Variants in PCDHGB5 observed in about 807,000 individuals in gnomAD.
PCDHGB5 encodes protocadherin gamma subfamily B, 5, also known as protocadherin gamma-B5.
PCDHGB5 carries 48 observed loss-of-function variants against 62.9 expected under a neutral mutation model. The ratio of observed to expected loss-of-function variants is 0.76; its 90% CI spans 0.61 to 0.97. PCDHGB5 has a LOEUF of 0.97. Ranked by LOEUF, PCDHGB5 falls within the 50% of genes least tolerant of loss-of-function variation. PCDHGB5 has a pLI of 0.00. For synonymous variants in PCDHGB5, 474 were observed against 511.2 expected (o/e 0.93, Z 0.98); for missense variants, 1,118 against 1,198.6 (o/e 0.93, Z 0.99).
chr5:141,415,761 T>G (rs1047830043), intron 1 of PCDHGB5: 49 of 1,399,492 alleles, frequency 3.5e-5, no homozygotes, highest in Admixed American at 1.6e-4. Context: ...TTTTTTTTTT[T>G]TTTTTTTTTT....
At chr5:141,430,936 C>T (rs2097327732) in intron 1 of PCDHGB5, 4 of 1,606,984 alleles carry the variant, frequency 2.5e-6, no homozygotes, top group Admixed American at 3.4e-5. Flanking sequence ...CCCGGGAGCT[C>T]GCGGAGCGCG....
intron 2 of PCDHGB5, among the ~76,000 whole-genome samples, chr5:141,501,290 T>TACAC (rs55762287): frequency 0.051 from 6,975 of 136,060 alleles, 192 homozygotes; most frequent in African/African-American, 0.071. Context: ...TATTCCCTTA[T>TACAC]ACACACACAC....
At chr5:141,413,215 T>C in intron 1 of PCDHGB5, 1 of 1,613,350 alleles carries the variant, frequency 6.2e-7, no homozygotes, top group Non-Finnish European at 8.5e-7. Context: ...ATCAAAGGAT[T>C]GCAGCGGGCT....
intron 1 of PCDHGB5, among the ~76,000 whole-genome samples, chr5:141,433,974 C>A (rs1045247496): frequency 6.6e-6 from 1 of 152,026 alleles, no homozygotes; most frequent in Non-Finnish European, 1.5e-5. Context: ...GGCTTTCTAC[C>A]TTGAAGAAGA....
intron 1 of PCDHGB5, among the ~76,000 whole-genome samples, chr5:141,455,137 G>A (rs892739175): frequency 2.7e-5 from 4 of 150,642 alleles, no homozygotes; most frequent in African/African-American, 9.8e-5. Flanking sequence ...ATTACACTGT[G>A]TTAAATAAAT....
intron 1 of PCDHGB5, chr5:141,409,356 A>G: frequency 6.2e-7 from 1 of 1,614,004 alleles, no homozygotes; most frequent in Non-Finnish European, 8.5e-7. Context: ...GTCAGGTGTA[A>G]TATAGAAACA....
At chr5:141,509,625 G>T (rs915049847) in intron 3 of PCDHGB5, among the ~76,000 whole-genome samples, 1 of 152,186 alleles carries the variant, frequency 6.6e-6, no homozygotes, top group Non-Finnish European at 1.5e-5. Flanking sequence ...AAGTTCCTGG[G>T]TGATGCTGAG....
At chr5:141,406,198 C>T (rs1363174713) in intron 1 of PCDHGB5, among the ~76,000 whole-genome samples, 1 of 151,806 alleles carries the variant, frequency 6.6e-6, no homozygotes, top group African/African-American at 2.4e-5. Context: ...TCAGCCTTCA[C>T]AGTAGCTAGG....
Position 141,432,477 on chromosome 5 carries a change from C to G in PCDHGB5, c.2397+31953C>G. On this transcript the variant is annotated intron_variant, in intron 1 of 3. Coordinates refer to ENST00000617380, the MANE Select transcript of PCDHGB5 (RefSeq NM_018925.3). This position sits in a 1 kb window ranked among gnomAD's most constrained non-coding sequence, Gnocchi z 6.0. ...CCCGCCCTCCCCACGGACGGTTCCA[C>G]TGGCGTGGAGCTGGCTCCCCGCTCC... 3 of 1,614,212 alleles carry G rather than the reference C, an allele frequency of 1.9e-6. No homozygotes were observed. Among genetic ancestry groups the G allele is most frequent in the Non-Finnish European group, 1.7e-6 (2 of 1,180,044 alleles).
chr5:141,477,564 A>T lies in PCDHGB5; in HGVS notation c.2398-17243A>T. 2 of 1,613,924 alleles carry T rather than the reference A, an allele frequency of 1.2e-6. No individual in the cohort carries two copies. The highest frequency in any genetic ancestry group is 1.7e-6 in the Non-Finnish European group (2 of 1,179,980). On this transcript the variant is annotated intron_variant, in intron 1 of 3. Coordinates refer to ENST00000617380, the MANE Select transcript of PCDHGB5 (RefSeq NM_018925.3). The surrounding 1 kb of genome is among the most constrained non-coding windows in gnomAD (Gnocchi z 4.9). ...CCAATACTAAACCTAAGTGTCTGGG[A>T]CCCCGACGCCCCGCAGAATGCTCGG... is the stretch of plus-strand genomic sequence containing the variant.
chr5:141,407,985 A>G, intron 1 of PCDHGB5: 1 of 789,616 alleles, frequency 1.3e-6, no homozygotes, highest in Non-Finnish European at 1.9e-6. Flanking sequence ...GGGATCCGTC[A>G]GCCTCTGGCC....
intron 1 of PCDHGB5, chr5:141,417,697 C>T: frequency 8.8e-7 from 1 of 1,140,966 alleles, no homozygotes; most frequent in Non-Finnish European, 1.2e-6. Context: ...AAAACCAGCT[C>T]CCACACAGAG....
At chr5:141,404,315 G>T (rs775576610) in intron 1 of PCDHGB5, 2 of 1,613,886 alleles carry the variant, frequency 1.2e-6, no homozygotes, top group African/African-American at 2.7e-5. Context: ...TTTCTCTCAA[G>T]CCTCCTACTC....
Position 141,512,594 on chromosome 5 carries a change from G to C in PCDHGB5, c.*1421G>C, listed in dbSNP as rs981124898. On this transcript the variant is annotated 3_prime_UTR_variant, in exon 4 of 4. Transcript: ENST00000617380. ...CACCCCCTTCTGCCCCTGGGTCCCC[G>C]GCCATCCAGCGGGGCTGCCAGAGAA... 1 of 152,812 alleles carries C rather than the reference G, an allele frequency of 6.5e-6. No homozygotes were observed. The highest frequency in any genetic ancestry group is 6.5e-5 in the Admixed American group (1 of 15,280). The allele number at this position is 152,812 out of a possible 1,614,324, so 9.5% of individuals were successfully genotyped here. A position where few individuals can be genotyped will look rare whatever the true frequency, so the allele number is the denominator to read the frequency against.
Position 141,494,880 on chromosome 5 carries a change from C to T in PCDHGB5, c.2456+15C>T. On this transcript the variant is annotated intron_variant, in intron 2 of 3. Transcript: ENST00000617380. ...GGCACCAGCGGGTAGGTGACTGATT[C>T]TCCAGCCCACCCTCTTCTCTGCGGC... 3 of 1,614,158 alleles carry T rather than the reference C, an allele frequency of 1.9e-6. No homozygotes were observed. Among genetic ancestry groups the T allele is most frequent in the Non-Finnish European group, 1.7e-6 (2 of 1,180,012 alleles).
Position 141,510,982 on chromosome 5 carries a change from G to A in PCDHGB5, c.2581G>A (p.Ala861Thr). The A allele has an allele frequency of 3.1e-6, 5 of 1,614,166 alleles. No homozygotes were observed. Among genetic ancestry groups the A allele is most frequent in the Non-Finnish European group, 3.4e-6 (4 of 1,180,018 alleles). Reference protein sequence around the residue: ...ADGSSTLGGGAGTMGLSARYG... With the variant: ...ADGSSTLGGGTGTMGLSARYG... Reference sequence around the variant, plus strand: ...TGGGAGCTCCACCCTGGGAGGGGGTGCCGGCACCATGGGATTGAGCGCCCG... The same window carrying A: ...TGGGAGCTCCACCCTGGGAGGGGGTACCGGCACCATGGGATTGAGCGCCCG... The change falls in exon 4 of 4, where the codon GCC (alanine) becomes ACC (threonine). Residue 861 changes from alanine to threonine, a missense_variant. Around this residue, in one of 2 missense-constraint regions of PCDHGB5, gnomAD observed 1,034 missense variants for 1,029.1 expected, o/e 1.00. Coordinates refer to ENST00000617380, the MANE Select transcript of PCDHGB5 (RefSeq NM_018925.3).
At position 141,511,181 on chromosome 5, in the gene PCDHGB5, G is replaced by A. The variant is rs1301391138; in HGVS notation, c.*8G>A. On this transcript the variant is annotated 3_prime_UTR_variant, in exon 4 of 4. Transcript: ENST00000617380. Reference sequence around the variant, plus strand: ...AAGAAGGAGAAGAAGTAACATGGAGGCCAGGCCAAGAGCCACAGGGCGGCC... The same window carrying A: ...AAGAAGGAGAAGAAGTAACATGGAGACCAGGCCAAGAGCCACAGGGCGGCC... 6.2e-7 allele frequency: 1 copy of A among 1,614,016 alleles called. No homozygotes were observed. The highest frequency in any genetic ancestry group is 1.7e-5 in the Admixed American group (1 of 60,016).
intron 1 of PCDHGB5, among the ~76,000 whole-genome samples, chr5:141,464,162 G>A (rs1030872607): frequency 6.6e-6 from 1 of 151,946 alleles, no homozygotes; most frequent in African/African-American, 2.4e-5. Context: ...CTACTTGGAA[G>A]GCTGAGGCAG....
At chr5:141,479,358 GC>G (rs2154577546) in intron 1 of PCDHGB5, 1 of 152,584 alleles carries the variant, frequency 6.6e-6, no homozygotes, top group Non-Finnish European at 1.5e-5. Flanking sequence ...GCTGCTCAGT[GC>G]CTGAGGTGGG....
Sources: gnomAD v4.1 joint callset for allele counts (sites outside exome capture counted in the v4.1 genomes callset) on GRCh38, gnomAD v4.1.1 for gene constraint, gnomAD v4.1.1 regional missense constraint, Gnocchi (gnomAD v3.1) non-coding constraint, MANE v1.5 for transcripts, NCBI Gene and HGNC (gene_info 2026-07-23, HGNC 2026-07-21) for gene names.